NCOA7: variants seen among roughly 807,000 people sequenced by gnomAD.
NCOA7 encodes 140 kDa estrogen receptor-associated protein.
In NCOA7, 45 loss-of-function variants were observed where a neutral mutation model predicts 104.3. The ratio of observed to expected loss-of-function variants is 0.43; its 90% CI spans 0.34 to 0.55. The LOEUF (loss-of-function observed/expected upper bound fraction) is 0.55, where lower values mean the gene tolerates loss of function less well. Ranked by LOEUF, NCOA7 falls within the 20% of genes least tolerant of loss-of-function variation. The pLI, the probability that NCOA7 is intolerant of heterozygous loss-of-function variation, is 0.02. For missense variants in NCOA7, 1,041 were observed against 1,119.7 expected (o/e 0.93, Z 1.00); for synonymous variants, 398 against 402.3 (o/e 0.99, Z 0.13).
At chr6:125,839,478 G>T (rs1382119500) in intron 2 of NCOA7, among the ~76,000 whole-genome samples, 1 of 151,320 alleles carries the variant, frequency 6.6e-6, no homozygotes, top group Non-Finnish European at 1.5e-5. Flanking sequence ...TGGACTGTCG[G>T]GTGGGGCTGA....
At chr6:125,847,112 G>A (rs1402638448) in intron 2 of NCOA7, among the ~76,000 whole-genome samples, 1 of 152,138 alleles carries the variant, frequency 6.6e-6, no homozygotes, top group African/African-American at 2.4e-5. Context: ...AATTCAAAAT[G>A]TACAAATGAG....
intron 8 of NCOA7, among the ~76,000 whole-genome samples, chr6:125,886,225 T>C (rs1361784634): frequency 6.6e-6 from 1 of 150,696 alleles, no homozygotes; most frequent in Non-Finnish European, 1.5e-5. Flanking sequence ...GCAAGTAGAT[T>C]CCCCTGGACT....
intron 1 of NCOA7, chr6:125,796,932 T>C (rs1310043913): frequency 6.6e-6 from 1 of 152,310 alleles, no homozygotes; most frequent in African/African-American, 2.4e-5. Context: ...GCAGAACCCA[T>C]GGATATGGAG....
At chr6:125,811,718 A>G (rs1437445020) in intron 1 of NCOA7, among the ~76,000 whole-genome samples, 3 of 152,044 alleles carry the variant, frequency 2.0e-5, no homozygotes, top group South Asian at 2.1e-4. Context: ...TTCTCCTTGC[A>G]CTCGAATTCT....
In NCOA7 at chr6:125,783,683, C is replaced by T. The variant is rs766477848; in HGVS notation, c.-142+2312C>T. ...TGGAATGTCCCTATACATTTTTGAG[C>T]ACTTCTTTACTTTCAAGCACAACAT... is the stretch of plus-strand genomic sequence containing the variant. On this transcript the variant is annotated intron_variant, in intron 1 of 16. Coordinates refer to the NCOA7 transcript ENST00000368357. Among the ~76,000 whole-genome samples the T allele has an allele frequency of 1.3e-4, 20 of 152,140 alleles. 1 individual carries two copies. Among genetic ancestry groups the T allele is most frequent in the Admixed American group, 1.3e-4 (2 of 15,268 alleles).
In NCOA7 at chr6:125,808,207, A is replaced by T. The variant is rs368236606; in HGVS notation, c.-64-7084A>T. Among the ~76,000 whole-genome samples the T allele has an allele frequency of 1.0e-3, 156 of 152,250 alleles. 3 individuals are homozygous for T. The South Asian group carries it at 0.031, about 31-fold the overall frequency. On this transcript the variant is annotated intron_variant, in intron 1 of 15. Coordinates refer to ENST00000392477, the MANE Select transcript of NCOA7 (RefSeq NM_181782.5). The stretch of plus-strand genomic sequence containing the variant: ...GGCTTGCACATCCTCATTCTGCCTG[A>T]TGAGCCTGACCTCTTCTGCATTCAC...
rs1434105577 is a variant in NCOA7, at chr6:125,915,496, G to A, written c.2244+16G>A. ...GAGCTGGGAGGTGAGCACTTGGGCA[G>A]GGTTAGACCGTCGTAGTTCCTAAGG... is the stretch of plus-strand genomic sequence containing the variant. On this transcript the variant is annotated intron_variant, in intron 11 of 15. Coordinates refer to ENST00000392477, the MANE Select transcript of NCOA7 (RefSeq NM_181782.5). 5 of 1,613,386 alleles carry A rather than the reference G, an allele frequency of 3.1e-6. No individual in the cohort carries two copies. Among genetic ancestry groups the A allele is most frequent in the Non-Finnish European group, 4.2e-6 (5 of 1,179,502 alleles).
At chr6:125,785,654 T>C (rs1774432105) in intron 1 of NCOA7, among the ~76,000 whole-genome samples, 1 of 152,248 alleles carries the variant, frequency 6.6e-6, no homozygotes, top group Admixed American at 6.5e-5. Flanking sequence ...TGTAGCAGCT[T>C]ATTTGAATAT....
Position 125,840,230 on chromosome 6 carries a change from G to A in NCOA7, c.51-14790G>A, listed in dbSNP as rs549496047. 2.0e-5 allele frequency among the ~76,000 whole-genome samples: 3 copies of A among 152,064 alleles called. No homozygotes were observed. The East Asian group carries it at 5.8e-4, about 29-fold the overall frequency. Reference sequence around the variant, plus strand: ...TTTTAGAAATAGAAAAAAGCTTATAGAATAAGCATATAAAGAAAATATTTT... The same window carrying A: ...TTTTAGAAATAGAAAAAAGCTTATAAAATAAGCATATAAAGAAAATATTTT... On this transcript the variant is annotated intron_variant, in intron 2 of 15. Transcript: ENST00000392477.
At chr6:125,786,878 G>T (rs945685154), upstream of NCOA7, among the ~76,000 whole-genome samples, 1 of 152,074 alleles carries the variant, frequency 6.6e-6, no homozygotes, top group Non-Finnish European at 1.5e-5. Flanking sequence ...CAGGCGCAGG[G>T]GCTCATGTCT....
chr6:125,883,915 C>T (rs1245506744), intron 7 of NCOA7, among the ~76,000 whole-genome samples: 1 of 152,062 alleles, frequency 6.6e-6, no homozygotes, highest in Non-Finnish European at 1.5e-5. Flanking sequence ...GACGGGGTTT[C>T]ACCATTTTGG....
upstream of NCOA7, among the ~76,000 whole-genome samples, chr6:125,788,081 TGTA>T (rs2128539683): frequency 6.6e-6 from 1 of 152,352 alleles, no homozygotes; most frequent in African/African-American, 2.4e-5. Flanking sequence ...AGGTTTGATC[TGTA>T]GTATACTAAG....
At chr6:125,801,077 G>A (rs1365755546) in intron 1 of NCOA7, among the ~76,000 whole-genome samples, 1 of 152,184 alleles carries the variant, frequency 6.6e-6, no homozygotes, top group Non-Finnish European at 1.5e-5. Flanking sequence ...GGTAGCATAA[G>A]TGTGCGCTGA....
At chr6:125,854,336 T>A (rs1359853326) in intron 2 of NCOA7, among the ~76,000 whole-genome samples, 1 of 152,222 alleles carries the variant, frequency 6.6e-6, no homozygotes, top group African/African-American at 2.4e-5. Flanking sequence ...GCTAACTTTA[T>A]CTCTTACACA....
intron 2 of NCOA7, among the ~76,000 whole-genome samples, chr6:125,836,577 C>T (rs1386591052): frequency 6.6e-6 from 1 of 152,128 alleles, no homozygotes; most frequent in Admixed American, 6.6e-5. Flanking sequence ...TTTAACTCAG[C>T]CAAAATAAAG....
chr6:125,868,256 T>C (rs1366682615), intron 3 of NCOA7, among the ~76,000 whole-genome samples: 1 of 152,246 alleles, frequency 6.6e-6, no homozygotes, highest in African/African-American at 2.4e-5. Context: ...ATTAATACTA[T>C]ATCACTGCTG....
At chr6:125,815,069 G>A (rs1433337247) in intron 1 of NCOA7, 1 of 244,404 alleles carries the variant, frequency 4.1e-6, no homozygotes, top group East Asian at 7.6e-5. Context: ...AAATACTGCA[G>A]TTTGGTTTTC....
chr6:125,828,397 A>G (rs1178830099), intron 2 of NCOA7, among the ~76,000 whole-genome samples: 1 of 152,208 alleles, frequency 6.6e-6, no homozygotes, highest in Non-Finnish European at 1.5e-5. Flanking sequence ...GTTTCAGCAC[A>G]GTGGTGGGAG....
At chr6:125,915,644 C>A (rs995340765) in intron 11 of NCOA7, among the ~76,000 whole-genome samples, 164 bp downstream of exon 11, 1 of 152,004 alleles carries the variant, frequency 6.6e-6, no homozygotes, top group African/African-American at 2.4e-5. Context: ...AAAACACCAC[C>A]ACCAGCACCA....
Sources: gnomAD v4.1 joint callset for allele counts (sites outside exome capture counted in the v4.1 genomes callset) on GRCh38, gnomAD v4.1.1 for gene constraint, MANE v1.5 for transcripts, NCBI Gene and HGNC (gene_info 2026-07-23, HGNC 2026-07-21) for gene names.